The following UEVLD variants were observed in gnomAD, a reference collection of about 807,000 sequenced individuals.
UEVLD encodes ubiquitin-conjugating enzyme E2 variant 3.
Under a neutral mutation model 58.6 loss-of-function variants are expected in UEVLD, and 47 were observed. That is an observed-to-expected ratio of 0.80 (90% CI 0.63 to 1.02). UEVLD has a LOEUF of 1.02. Among genes scored for constraint, UEVLD ranks in the 50% least tolerant of loss-of-function variants. The pLI is 0.00. For missense variants in UEVLD, 510 were observed against 550.6 expected (o/e 0.93, Z 0.74); for synonymous variants, 197 against 195.3 (o/e 1.01, Z -0.07).
intron 7 of UEVLD, among the ~76,000 whole-genome samples, chr11:18,551,406 G>T (rs879419409): frequency 0.11 from 15,841 of 141,460 alleles, 1,142 homozygotes; most frequent in South Asian, 0.24. Context: ...CTGGGCAACC[G>T]AGTAAGACTC....
intron 7 of UEVLD, among the ~76,000 whole-genome samples, chr11:18,553,117 T>C (rs2133991895): frequency 7.0e-6 from 1 of 141,874 alleles, no homozygotes; most frequent in South Asian, 2.3e-4. Context: ...ATAGCGCCAT[T>C]GCACTCCAGC....
At chr11:18,584,463 T>C (rs914299667) in intron 1 of UEVLD, among the ~76,000 whole-genome samples, 2 of 152,184 alleles carry the variant, frequency 1.3e-5, no homozygotes, top group African/African-American at 4.8e-5. Flanking sequence ...GATACAGAAC[T>C]GTCTGACAAA....
chr11:18,580,159 T>C (rs950145947), intron 1 of UEVLD, among the ~76,000 whole-genome samples: 1 of 150,902 alleles, frequency 6.6e-6, no homozygotes, highest in Non-Finnish European at 1.5e-5. Context: ...GGATTCATAC[T>C]ATAATCAAAA....
At chr11:18,548,571 G>A (rs1590326175) in intron 7 of UEVLD, among the ~76,000 whole-genome samples, 1 of 152,184 alleles carries the variant, frequency 6.6e-6, no homozygotes. Context: ...GGGATTACAG[G>A]CATATGCCAC....
intron 7 of UEVLD, among the ~76,000 whole-genome samples, chr11:18,553,347 A>G (rs1370040855): frequency 6.6e-6 from 1 of 151,920 alleles, no homozygotes; most frequent in East Asian, 1.9e-4. Flanking sequence ...AAGAAAAGAA[A>G]AAAGAAAATA....
intron 7 of UEVLD, among the ~76,000 whole-genome samples, chr11:18,548,868 G>C (rs1431707496): frequency 2.6e-5 from 4 of 152,170 alleles, no homozygotes; most frequent in African/African-American, 7.2e-5. Flanking sequence ...TTTTAATTAT[G>C]GTTCTTCATG....
chr11:18,566,609 T>C (rs2134026128), intron 4 of UEVLD, 127 bp from the exon 5 acceptor site: 3 of 939,356 alleles, frequency 3.2e-6, no homozygotes, highest in South Asian at 1.8e-5. Flanking sequence ...TGCACCACTA[T>C]ACTCCAGCTT....
At chr11:18,572,467 A>G (rs1852673730) in intron 3 of UEVLD, among the ~76,000 whole-genome samples, 1 of 152,174 alleles carries the variant, frequency 6.6e-6, no homozygotes, top group African/African-American at 2.4e-5. Context: ...ATAAGCATGT[A>G]TAATCATTAC....
intron 7 of UEVLD, among the ~76,000 whole-genome samples, chr11:18,551,379 C>T (rs994620343): frequency 2.3e-5 from 3 of 127,834 alleles, no homozygotes; most frequent in Non-Finnish European, 3.5e-5. Context: ...GCTGAGATCG[C>T]GCCACTGCAC....
In UEVLD at chr11:18,532,115, AC is replaced by A. The variant is rs1362978405; in HGVS notation, c.*204del. The A allele has an allele frequency of 4.9e-6, 2 of 405,210 alleles. No homozygotes were observed. The highest frequency in any genetic ancestry group is 2.1e-5 in the African/African-American group (1 of 48,520). 25.1% of individuals were successfully genotyped at this position (405,210 alleles called of 1,614,324 possible). On this transcript the variant is annotated 3_prime_UTR_variant, in exon 12 of 12. Coordinates refer to ENST00000396197, the MANE Select transcript of UEVLD (RefSeq NM_001040697.4). ...AAAGAACAGCATAGATATCTCAAGA[AC>A]CCCAAATAAAATTAATTTTTCCCCT...
In UEVLD at chr11:18,533,063, T is replaced by TC. The variant is rs200967870; in HGVS notation, c.1249-577_1249-576insG. 7.1e-3 allele frequency among the ~76,000 whole-genome samples: 1,016 copies of TC among 143,556 alleles called. 6 individuals carry two copies. Among genetic ancestry groups the TC allele is most frequent in the Non-Finnish European group, 0.012 (754 of 64,926 alleles). The allele number at this position is 143,556 out of a possible 152,430, so 94.2% of individuals were successfully genotyped here. Reference sequence around the variant, plus strand: ...CTATTTTTTCTTTTCTTTTCTTTTCTTTTTTTTTTTTTTGAGATGAGGTCT... The same window carrying TC: ...CTATTTTTTCTTTTCTTTTCTTTTCTCTTTTTTTTTTTTTGAGATGAGGTCT... On this transcript the variant is annotated intron_variant, in intron 11 of 11. Transcript: ENST00000396197.
At chr11:18,561,577 C>T (rs1322397519) in intron 6 of UEVLD, among the ~76,000 whole-genome samples, 1 of 152,118 alleles carries the variant, frequency 6.6e-6, no homozygotes, top group Non-Finnish European at 1.5e-5. Flanking sequence ...CACGGTGGCT[C>T]ACGCCTGTAA....
chr11:18,551,333 G>C (rs1051392073), intron 7 of UEVLD, among the ~76,000 whole-genome samples: 4 of 147,964 alleles, frequency 2.7e-5, no homozygotes, highest in African/African-American at 9.9e-5. Context: ...TGAAGCAAGA[G>C]AATCGCTTGA....
At chr11:18,556,351 T>C (rs1320598050) in intron 7 of UEVLD, among the ~76,000 whole-genome samples, 3 of 152,188 alleles carry the variant, frequency 2.0e-5, no homozygotes, top group East Asian at 3.8e-4. Flanking sequence ...AAAGCAACTA[T>C]GGTACTCTTT....
At chr11:18,539,699 G>T (rs537831706) in intron 9 of UEVLD, among the ~76,000 whole-genome samples, 2 of 152,310 alleles carry the variant, frequency 1.3e-5, no homozygotes, top group African/African-American at 4.8e-5. Flanking sequence ...GCAGGAGTTA[G>T]CCAAGTGAAC....
At chr11:18,565,817 C>G (rs1160125186) in intron 5 of UEVLD, among the ~76,000 whole-genome samples, 1 of 148,734 alleles carries the variant, frequency 6.7e-6, no homozygotes, top group Non-Finnish European at 1.5e-5. Flanking sequence ...GACTCCATCT[C>G]AAAAAAATAA....
chr11:18,553,231 CAGG>C (rs1851610957), intron 7 of UEVLD, among the ~76,000 whole-genome samples: 1 of 148,338 alleles, frequency 6.7e-6, no homozygotes, highest in Non-Finnish European at 1.5e-5. Context: ...GAAGCTGAGG[CAGG>C]AGAATAGCCT....
chr11:18,554,769 G>A lies in UEVLD; in HGVS notation c.715+3459C>T, dbSNP rs566497176. Among the ~76,000 whole-genome samples, 3 of 152,112 alleles carry A rather than the reference G, an allele frequency of 2.0e-5. No homozygotes were observed. In the East Asian group the frequency reaches 5.8e-4, roughly 29 times the overall value. ...AGCATAAGTGTGTATGTATGTATCT[G>A]TATGTAAATTTTCATGCTCATATGT... On this transcript the variant is annotated intron_variant, in intron 7 of 11. Coordinates refer to ENST00000396197, the MANE Select transcript of UEVLD (RefSeq NM_001040697.4).
At chr11:18,574,314 T>C (rs1366029050) in intron 3 of UEVLD, among the ~76,000 whole-genome samples, 7 of 152,164 alleles carry the variant, frequency 4.6e-5, no homozygotes, top group African/African-American at 1.7e-4. Context: ...ATTTTTGTAT[T>C]TTTAGTAGAG....
Sources: allele counts gnomAD v4.1 joint callset (sites outside exome capture counted in the v4.1 genomes callset), GRCh38; gene constraint gnomAD v4.1.1; transcripts MANE v1.5; gene names NCBI Gene and HGNC (gene_info 2026-07-23, HGNC 2026-07-21).